Variants in NADSYN1 observed in about 807,000 individuals in gnomAD.
NADSYN1 encodes glutamine-dependent NAD(+) synthetase.
A neutral mutation model predicts 99.3 loss-of-function variants in NADSYN1; 80 were observed. The ratio of observed to expected loss-of-function variants is 0.81; its 90% CI spans 0.67 to 0.97. The LOEUF (loss-of-function observed/expected upper bound fraction) is 0.97. Ranked by LOEUF, NADSYN1 falls within the 50% of genes least tolerant of loss-of-function variation. The pLI is 0.00. For synonymous variants in NADSYN1, 385 were observed against 372.1 expected (o/e 1.03, Z -0.40); for missense variants, 859 against 948.5 (o/e 0.91, Z 1.24).
intron 17 of NADSYN1, among the ~76,000 whole-genome samples, chr11:71,491,566 C>T (rs1469666389): frequency 3.3e-5 from 5 of 152,182 alleles, no homozygotes; most frequent in African/African-American, 9.7e-5. Flanking sequence ...TAGGTGTGCC[C>T]GGTGCCCAGT....
chr11:71,490,864 A>G lies in NADSYN1; in HGVS notation c.1582A>G (p.Lys528Glu). The G allele has an allele frequency of 6.2e-7, 1 of 1,614,164 alleles. No individual in the cohort carries two copies. The highest frequency in any genetic ancestry group is 8.5e-7 in the Non-Finnish European group (1 of 1,179,998). ...CTGCAGTCTCCTGGGCTACCTGACC[A>G]AGTACGACTGCTCCAGTGCGGACAT... ...VDESLLGYLT[K>E]YDCSSADINP... The change falls in exon 17 of 21, where the codon AAG (lysine) becomes GAG (glutamate). Residue 528 changes from lysine (K) to glutamate (E), a missense_variant. Coordinates refer to ENST00000319023, the MANE Select transcript of NADSYN1 (RefSeq NM_018161.5).
chr11:71,485,622 G>A lies in NADSYN1; in HGVS notation c.1536G>A (p.Val512=). Residue 512 remains valine, a synonymous_variant, in exon 16 of 21, where the codon GTG becomes GTA. Coordinates refer to ENST00000319023, the MANE Select transcript of NADSYN1 (RefSeq NM_018161.5). ...WSRGVHGGLL[V]LGSANVDESL... ...GGGGTGTCCACGGTGGGCTCCTCGT[G>A]CTGGGATCCGCCAACGTGGATGAGA... is the stretch of plus-strand genomic sequence containing the variant. 3 of 1,556,928 alleles carry A rather than the reference G, an allele frequency of 1.9e-6. No homozygotes were observed. Among genetic ancestry groups the A allele is most frequent in the Middle Eastern group, 1.7e-4 (1 of 6,014 alleles).
At chr11:71,485,061 C>G (rs528804407) in intron 15 of NADSYN1, 4 of 170,804 alleles carry the variant, frequency 2.3e-5, no homozygotes, top group African/African-American at 9.5e-5. Flanking sequence ...ACAGCCCAGA[C>G]GCTGTCTGCC....
intron 20 of NADSYN1, among the ~76,000 whole-genome samples, chr11:71,500,863 G>C (rs1183026568): frequency 2.0e-5 from 3 of 152,194 alleles, no homozygotes; most frequent in African/African-American, 7.2e-5. Flanking sequence ...TGGGTCACCA[G>C]GCAGTGGAGT....
chr11:71,465,561 C>T (rs1026420801), intron 5 of NADSYN1, among the ~76,000 whole-genome samples: 6 of 152,162 alleles, frequency 3.9e-5, no homozygotes, highest in African/African-American at 9.7e-5. Flanking sequence ...TGTCATGGGG[C>T]GTCGGCCATG....
At chr11:71,470,439 C>T (rs1619577) in intron 5 of NADSYN1, among the ~76,000 whole-genome samples, 42,886 of 152,206 alleles carry the variant, frequency 0.28, 6,561 homozygotes, top group South Asian at 0.46. Context: ...GAGGTCCAGG[C>T]GATGCTCTGC....
At chr11:71,482,779 C>A (rs1161326024) in intron 13 of NADSYN1, 70 bp from the exon 14 acceptor site, 1 of 1,539,852 alleles carries the variant, frequency 6.5e-7, no homozygotes. Flanking sequence ...GGGTGTAGAC[C>A]GGGGTGGAAC....
At chr11:71,477,620 T>TA (rs1214059307) in intron 9 of NADSYN1, among the ~76,000 whole-genome samples, 1 of 152,204 alleles carries the variant, frequency 6.6e-6, no homozygotes, top group East Asian at 1.9e-4. Context: ...CCCTATGAGT[T>TA]AAAACCTCAT....
rs1949684439 is a variant in NADSYN1, at chr11:71,478,482, G to C, written c.873+13G>C. The C allele has an allele frequency of 4.4e-6, 7 of 1,590,042 alleles. No homozygotes were observed. The highest frequency in any genetic ancestry group is 4.5e-5 in the East Asian group (2 of 44,074). The stretch of plus-strand genomic sequence containing the variant: ...TCGAAACCTGGCGGTGAGTGCTCCA[G>C]TAGACACCTGTGTGGGATGCTCATC... On this transcript the variant is annotated intron_variant, in intron 10 of 20. Coordinates refer to ENST00000319023, the MANE Select transcript of NADSYN1 (RefSeq NM_018161.5).
intron 13 of NADSYN1, among the ~76,000 whole-genome samples, chr11:71,482,480 G>A (rs1403264147): frequency 1.3e-5 from 2 of 151,196 alleles, no homozygotes; most frequent in Non-Finnish European, 3.0e-5. Flanking sequence ...GGCACCTGAG[G>A]GCTGTAGACC....
rs145939926 is a variant in NADSYN1 at position 71,458,461 on chromosome 11, G to A, written c.180G>A (p.Ser60=). 5.0e-6 allele frequency: 8 copies of A among 1,613,930 alleles called. No homozygotes were observed. In the Admixed American group the frequency reaches 5.0e-5, roughly 10 times the overall value. Residue 60 remains serine (S), a synonymous_variant, in exon 3 of 21, where the codon TCG becomes TCA. Coordinates refer to ENST00000319023, the MANE Select transcript of NADSYN1 (RefSeq NM_018161.5). ...GATGTTGGGATCATTATTACGAGTCGGACACCCTCTTGCACTCGTTTCAAG... is the reference window on the plus strand; with the variant it reads ...GATGTTGGGATCATTATTACGAGTCAGACACCCTCTTGCACTCGTTTCAAG... ...GYGCWDHYYE[S]DTLLHSFQVL... is the part of the protein sequence containing the mutation.
chr11:71,497,432 C>G (rs114738613), intron 18 of NADSYN1, 51 bp from the exon 19 acceptor site: 2 of 1,610,966 alleles, frequency 1.2e-6, no homozygotes, highest in South Asian at 1.1e-5. Context: ...TTTAGGCTCT[C>G]CCCCCGCTGT....
At chr11:71,460,498 A>C (rs1161481557) in intron 3 of NADSYN1, among the ~76,000 whole-genome samples, 2 of 152,118 alleles carry the variant, frequency 1.3e-5, no homozygotes. Flanking sequence ...CTACAGGTGC[A>C]CACCAGTACA....
At chr11:71,465,098 G>C (rs2120418842) in intron 5 of NADSYN1, among the ~76,000 whole-genome samples, 1 of 152,140 alleles carries the variant, frequency 6.6e-6, no homozygotes, top group East Asian at 1.9e-4. Context: ...ATCGCAACAG[G>C]CAGCACAGCA....
chr11:71,499,972 G>C (rs946830560), intron 20 of NADSYN1: 1 of 152,264 alleles, frequency 6.6e-6, no homozygotes, highest in Non-Finnish European at 1.5e-5. Flanking sequence ...GGAGATGGAG[G>C]CTGCAGTGAG....
intron 16 of NADSYN1, among the ~76,000 whole-genome samples, chr11:71,487,490 G>A (rs570770152): frequency 2.0e-5 from 3 of 152,102 alleles, no homozygotes; most frequent in South Asian, 4.1e-4. Flanking sequence ...TTTTTCCAGG[G>A]TGGGATTGGG....
At chr11:71,464,603 C>T (rs1565597374) in intron 5 of NADSYN1, 1 of 153,398 alleles carries the variant, frequency 6.5e-6, no homozygotes, top group Non-Finnish European at 1.5e-5. Flanking sequence ...CACGGTGGCT[C>T]ACGCCTGTAA....
At chr11:71,455,867 T>C (rs1412956824) in intron 2 of NADSYN1, among the ~76,000 whole-genome samples, 1 of 152,254 alleles carries the variant, frequency 6.6e-6, no homozygotes, top group East Asian at 1.9e-4. Flanking sequence ...GGTTATCGTT[T>C]CTTATATGCC....
intron 17 of NADSYN1, among the ~76,000 whole-genome samples, chr11:71,491,509 G>A (rs1342910203): frequency 6.6e-6 from 1 of 152,170 alleles, no homozygotes; most frequent in African/African-American, 2.4e-5. Flanking sequence ...TCAATGTGGC[G>A]CAGTGCACAG....
Sources: allele counts gnomAD v4.1 joint callset (sites outside exome capture counted in the v4.1 genomes callset), GRCh38; gene constraint gnomAD v4.1.1; transcripts MANE v1.5; gene names NCBI Gene and HGNC (gene_info 2026-07-23, HGNC 2026-07-21).